Variants in HAO1 observed in about 807,000 individuals in gnomAD.
HAO1 encodes the protein 2-Hydroxyacid oxidase 1.
A neutral mutation model predicts 39.7 loss-of-function variants in HAO1; 34 were observed. The ratio of observed to expected loss-of-function variants is 0.86; its 90% CI spans 0.65 to 1.14. The LOEUF is 1.14. Among genes scored for constraint, HAO1 ranks in the 50% most tolerant of loss-of-function variants. The pLI is 0.00. For synonymous variants in HAO1, 172 were observed against 173.2 expected (o/e 0.99, Z 0.05); for missense variants, 479 against 464.5 (o/e 1.03, Z -0.29).
rs2050134239 is a variant in HAO1, at chr20:7,883,028, A to T, written c.*565T>A. 1 of 153,174 alleles carries T rather than the reference A, an allele frequency of 6.5e-6. No individual in the cohort carries two copies. The highest frequency in any genetic ancestry group is 2.4e-5 in the African/African-American group (1 of 41,470). 9.5% of individuals were successfully genotyped at this position (153,174 alleles called of 1,614,324 possible). A position where few individuals can be genotyped will look rare whatever the true frequency, so the allele number is the denominator to read the frequency against. On this transcript the variant is annotated 3_prime_UTR_variant, in exon 8 of 8. Transcript: ENST00000378789. Reference sequence around the variant, plus strand: ...TATTTCTCTCTAAGAAGTAACATACATCCTAAAACATTTGGATATATTCAG... The same window carrying T: ...TATTTCTCTCTAAGAAGTAACATACTTCCTAAAACATTTGGATATATTCAG...
intron 2 of HAO1, among the ~76,000 whole-genome samples, chr20:7,928,399 T>C (rs1337704375): frequency 6.6e-6 from 1 of 152,068 alleles, no homozygotes; most frequent in African/African-American, 2.4e-5. Context: ...ATCAAAATCA[T>C]TTATTTATAT....
intron 4 of HAO1, among the ~76,000 whole-genome samples, chr20:7,901,347 C>A (rs762194297): frequency 3.9e-5 from 6 of 152,098 alleles, no homozygotes; most frequent in African/African-American, 7.2e-5. Context: ...GAAGAAGATG[C>A]CATCTAGGAC....
intron 3 of HAO1, among the ~76,000 whole-genome samples, chr20:7,907,267 C>A (rs2050252996): frequency 6.6e-6 from 1 of 152,152 alleles, no homozygotes; most frequent in Non-Finnish European, 1.5e-5. Context: ...ACCTTCATTT[C>A]TCTGCCAGTG....
intron 7 of HAO1, among the ~76,000 whole-genome samples, chr20:7,884,980 A>AG (rs2050144213): frequency 1.3e-5 from 2 of 152,144 alleles, no homozygotes; most frequent in African/African-American, 4.8e-5. Flanking sequence ...TGGAGATGAC[A>AG]GGGAGGTCAG....
At chr20:7,906,013 G>C (rs571915256) in intron 4 of HAO1, 141 bp downstream of exon 4, 1 of 687,482 alleles carries the variant, frequency 1.5e-6, no homozygotes, top group Non-Finnish European at 2.6e-6. Flanking sequence ...TCACTAACAT[G>C]AAAACAGAGA....
At chr20:7,907,409 CCCAGAATTTT>C (rs1334734865) in intron 3 of HAO1, among the ~76,000 whole-genome samples, 1 of 152,104 alleles carries the variant, frequency 6.6e-6, no homozygotes, top group Non-Finnish European at 1.5e-5. Flanking sequence ...TGCCTAAGTT[CCCAGAATTTT>C]CCAGCAGGGT....
intron 4 of HAO1, among the ~76,000 whole-genome samples, chr20:7,900,981 T>C (rs1381212040): frequency 1.3e-5 from 2 of 152,144 alleles, no homozygotes; most frequent in Non-Finnish European, 2.9e-5. Flanking sequence ...GGGAGAAAGT[T>C]TGAGTGGTCT....
intron 5 of HAO1, among the ~76,000 whole-genome samples, chr20:7,889,191 T>G (rs2050163257): frequency 6.6e-6 from 1 of 151,670 alleles, no homozygotes; most frequent in African/African-American, 2.4e-5. Flanking sequence ...GGACTCTTTT[T>G]ATAGAAGAAA....
rs1355396394 is a variant in HAO1, at chr20:7,882,990, C to T, written c.*603G>A. 1.3e-5 allele frequency: 2 copies of T among 152,456 alleles called. No homozygotes were observed. The highest frequency in any genetic ancestry group is 2.9e-5 in the Non-Finnish European group (2 of 68,260). The allele number at this position is 152,456 out of a possible 1,614,324, so 9.4% of individuals were successfully genotyped here. ...TTACAAAAGGACTAGATATATTCTT[C>T]CCAAAAATGCTTTATTTCTCTCTAA... On this transcript the variant is annotated 3_prime_UTR_variant, in exon 8 of 8. Coordinates refer to ENST00000378789, the MANE Select transcript of HAO1 (RefSeq NM_017545.3).
At chr20:7,909,375 A>T in intron 3 of HAO1, among the ~76,000 whole-genome samples, 1 of 99,780 alleles carries the variant, frequency 1.0e-5, no homozygotes, top group East Asian at 4.3e-4. Context: ...ATATATATAT[A>T]TATGTATATA....
intron 4 of HAO1, among the ~76,000 whole-genome samples, chr20:7,903,199 C>T (rs977364208): frequency 1.3e-5 from 2 of 151,904 alleles, no homozygotes; most frequent in African/African-American, 4.8e-5. Context: ...AATAAAAGAA[C>T]CAAATAGTTA....
chr20:7,930,552 A>G (rs7266518), intron 2 of HAO1, among the ~76,000 whole-genome samples: 1,988 of 152,314 alleles, frequency 0.013, 39 homozygotes, highest in African/African-American at 0.043. Flanking sequence ...ATTTGGAAAC[A>G]ATCTCAATGA....
chr20:7,909,902 T>C (rs1031867518), intron 3 of HAO1, among the ~76,000 whole-genome samples: 3 of 152,138 alleles, frequency 2.0e-5, no homozygotes, highest in Non-Finnish European at 4.4e-5. Context: ...CCACCAGCCT[T>C]TAATTCTGTG....
intron 4 of HAO1, among the ~76,000 whole-genome samples, chr20:7,905,482 CAAAG>C (rs1301979605): frequency 6.6e-6 from 1 of 152,078 alleles, no homozygotes; most frequent in African/African-American, 2.4e-5. Flanking sequence ...TCTATATAAC[CAAAG>C]GTTATATACC....
In HAO1 at chr20:7,885,535, G is replaced by A. The variant is rs1264984841; in HGVS notation, c.1028C>T (p.Ala343Val). 6.2e-7 allele frequency: 1 copy of A among 1,609,192 alleles called. No individual in the cohort carries two copies. The highest frequency in any genetic ancestry group is 1.7e-5 in the Admixed American group (1 of 59,982). ...ATGAGTCTTACCACTCAGAGCCATGGCCAACCGGAATTCTTCCTTTAGTAT... is the reference window on the plus strand; with the variant it reads ...ATGAGTCTTACCACTCAGAGCCATGACCAACCGGAATTCTTCCTTTAGTAT... ...LEILKEEFRL[A>V]MALSGCQNVK... is the part of the protein sequence containing the mutation. The change falls in exon 7 of 8, where the codon GCC becomes GTC. Residue 343 changes from alanine (A) to valine (V), a missense_variant. Transcript: ENST00000378789.
At chr20:7,922,113 T>A (rs951764146) in intron 2 of HAO1, among the ~76,000 whole-genome samples, 1 of 151,286 alleles carries the variant, frequency 6.6e-6, no homozygotes, top group East Asian at 1.9e-4. Context: ...AAATAAAAGT[T>A]GAAAAAAGAA....
At chr20:7,935,099 T>A (rs1180225930) in intron 1 of HAO1, among the ~76,000 whole-genome samples, 1 of 152,220 alleles carries the variant, frequency 6.6e-6, no homozygotes, top group Non-Finnish European at 1.5e-5. Flanking sequence ...GTAAACAAAA[T>A]CATTCAGTAT....
chr20:7,909,387 A>ATG (rs1568514576), intron 3 of HAO1, among the ~76,000 whole-genome samples: 97 of 136,652 alleles, frequency 7.1e-4, no homozygotes, highest in African/African-American at 2.6e-3. Flanking sequence ...ATGTATATAT[A>ATG]TATATATATA....
intron 4 of HAO1, among the ~76,000 whole-genome samples, chr20:7,899,967 C>A (rs900454684): frequency 6.6e-6 from 1 of 151,960 alleles, no homozygotes; most frequent in African/African-American, 2.4e-5. Flanking sequence ...TAATTTAAAA[C>A]AAGGTATAAA....
Sources: allele counts gnomAD v4.1 joint callset (sites outside exome capture counted in the v4.1 genomes callset), GRCh38; gene constraint gnomAD v4.1.1; transcripts MANE v1.5; gene names NCBI Gene and HGNC (gene_info 2026-07-23, HGNC 2026-07-21).